RPS6KA2: variants seen among roughly 807,000 people sequenced by gnomAD.
RPS6KA2 encodes ribosomal protein S6 kinase alpha-2.
In RPS6KA2, 42 loss-of-function variants were observed where a neutral mutation model predicts 91.8. The observed-to-expected ratio is 0.46, with a 90% CI of 0.36 to 0.59. The LOEUF (loss-of-function observed/expected upper bound fraction) is 0.59, where lower values mean the gene tolerates loss of function less well. Among genes scored for constraint, RPS6KA2 ranks in the 20% least tolerant of loss-of-function variants. The pLI is 0.00. For missense variants in RPS6KA2, 798 were observed against 978.5 expected (o/e 0.82, Z 2.46); for synonymous variants, 414 against 393.6 (o/e 1.05, Z -0.61).
chr6:166,465,936 G>T (rs1031218534), intron 11 of RPS6KA2, among the ~76,000 whole-genome samples: 2 of 152,178 alleles, frequency 1.3e-5, no homozygotes, highest in African/African-American at 4.8e-5. Flanking sequence ...TGCCACTCAC[G>T]GGCTGTGTGG....
At chr6:166,728,895 C>T (rs536736374) in intron 2 of RPS6KA2, among the ~76,000 whole-genome samples, 1 of 152,198 alleles carries the variant, frequency 6.6e-6, no homozygotes, top group Admixed American at 6.5e-5. Flanking sequence ...TGGCATTTCT[C>T]AACCTGTGAG....
chr6:166,847,625 T>A (rs1181854534), intron 2 of RPS6KA2, among the ~76,000 whole-genome samples: 8 of 152,186 alleles, frequency 5.3e-5, no homozygotes, highest in Non-Finnish European at 8.8e-5. Flanking sequence ...AGCCAACTGA[T>A]CTTCAACAAA....
chr6:166,467,447 CAG>C (rs1562514436), intron 11 of RPS6KA2, among the ~76,000 whole-genome samples: 3 of 152,140 alleles, frequency 2.0e-5, no homozygotes. Flanking sequence ...GATATGAAAA[CAG>C]AGCAAGGCCG....
At chr6:166,530,539 T>C (rs1336512192) in intron 3 of RPS6KA2, among the ~76,000 whole-genome samples, 2 of 152,234 alleles carry the variant, frequency 1.3e-5, no homozygotes, top group East Asian at 1.9e-4. Flanking sequence ...AATAAGCTGC[T>C]GTCAGTTCAT....
At chr6:166,474,315 G>A (rs559582675) in intron 10 of RPS6KA2, among the ~76,000 whole-genome samples, 7 of 152,308 alleles carry the variant, frequency 4.6e-5, no homozygotes, top group African/African-American at 9.6e-5. Context: ...CAAGAGCAAC[G>A]GAAAACCTCT....
Position 166,549,798 on chromosome 6 carries a change from C to T in RPS6KA2, c.100-11014G>A, listed in dbSNP as rs79200204. ...ACTCATATACACACACACGAGTACACGTAAAACTGGTAAAATACGAATAAG... is the reference window on the plus strand; with the variant it reads ...ACTCATATACACACACACGAGTACATGTAAAACTGGTAAAATACGAATAAG... On this transcript the variant is annotated intron_variant, in intron 1 of 20. Coordinates refer to ENST00000265678, the MANE Select transcript of RPS6KA2 (RefSeq NM_021135.6). 3.4e-4 allele frequency among the ~76,000 whole-genome samples: 52 copies of T among 152,250 alleles called. 1 individual carries two copies. In the East Asian group the frequency reaches 8.9e-3, roughly 26 times the overall value.
At chr6:166,506,280 C>T (rs1367113524) in intron 5 of RPS6KA2, among the ~76,000 whole-genome samples, 1 of 152,212 alleles carries the variant, frequency 6.6e-6, no homozygotes, top group Non-Finnish European at 1.5e-5. Context: ...AATGAAGGCC[C>T]TCGGGGGAGG....
intron 2 of RPS6KA2, among the ~76,000 whole-genome samples, chr6:166,839,688 GA>G (rs1343096547): frequency 1.9e-5 from 2 of 104,236 alleles, no homozygotes; most frequent in Admixed American, 8.9e-5. Flanking sequence ...AGCAGGAGAG[GA>G]GAGGGGAGGA....
intron 2 of RPS6KA2, among the ~76,000 whole-genome samples, chr6:166,661,390 G>A (rs937481706): frequency 4.6e-5 from 7 of 152,094 alleles, no homozygotes; most frequent in African/African-American, 9.7e-5. Context: ...ATGAGCCACC[G>A]CTGTATGGCC....
intron 5 of RPS6KA2, among the ~76,000 whole-genome samples, chr6:166,507,079 C>T (rs2235269): frequency 0.21 from 32,097 of 151,846 alleles, 3,437 homozygotes; most frequent in South Asian, 0.29. Context: ...ACAAAGGTGG[C>T]GTGCGAAGAC....
rs1026696390 is a variant in RPS6KA2, at chr6:166,606,554, C to A, written c.99+20367G>T. On this transcript the variant is annotated intron_variant, in intron 1 of 20. Coordinates refer to ENST00000265678, the MANE Select transcript of RPS6KA2 (RefSeq NM_021135.6). ...CAATACCATCAAGAAAATGAAAATA[C>A]AACCCACTACGGGGAAAAGTATTTG... Among the ~76,000 whole-genome samples, 4 of 152,176 alleles carry A rather than the reference C, an allele frequency of 2.6e-5. No individual in the cohort carries two copies. In the South Asian group the frequency reaches 8.3e-4, roughly 32 times the overall value.
chr6:166,843,641 G>A (rs958257701), intron 2 of RPS6KA2, among the ~76,000 whole-genome samples: 2 of 152,188 alleles, frequency 1.3e-5, no homozygotes, highest in African/African-American at 4.8e-5. Context: ...CAGTAGCTCT[G>A]CTGGGTGGCT....
At chr6:166,848,782 G>C (rs1780666120) in intron 2 of RPS6KA2, among the ~76,000 whole-genome samples, 1 of 152,042 alleles carries the variant, frequency 6.6e-6, no homozygotes, top group African/African-American at 2.4e-5. Context: ...AAGGATGAAA[G>C]GCTACACACT....
At chr6:166,471,285 T>A (rs1470509582) in intron 10 of RPS6KA2, among the ~76,000 whole-genome samples, 1 of 152,202 alleles carries the variant, frequency 6.6e-6, no homozygotes, top group Non-Finnish European at 1.5e-5. Context: ...TCACAGCAGA[T>A]GGTGCCATCG....
At chr6:166,776,650 G>A (rs1012310150) in intron 2 of RPS6KA2, among the ~76,000 whole-genome samples, 3 of 152,318 alleles carry the variant, frequency 2.0e-5, no homozygotes, top group African/African-American at 7.2e-5. Context: ...GGTATAGACA[G>A]AACCGCACAG....
rs907659006 is a variant in RPS6KA2, at chr6:166,855,450, GGAA to G, written c.123+2747_123+2749del. ...AAGAGGAAGAAGAGGAAGAAGAAGAGGAAGAAGAAGAGGAAGAGGAAGAGGAAG... is the reference window on the plus strand; with the variant it reads ...AAGAGGAAGAAGAGGAAGAAGAAGAGGAAGAAGAGGAAGAGGAAGAGGAAG... On this transcript the variant is annotated intron_variant, in intron 2 of 21. Transcript: ENST00000503859. 7.5e-4 allele frequency among the ~76,000 whole-genome samples: 45 copies of G among 60,390 alleles called. 1 individual carries two copies. The East Asian group carries it at 0.019, about 26-fold the overall frequency. The allele number at this position is 60,390 out of a possible 152,430, so 39.6% of individuals were successfully genotyped here. A position where few individuals can be genotyped will look rare whatever the true frequency, so the allele number is the denominator to read the frequency against.
At chr6:166,478,119 G>A (rs992892286) in intron 10 of RPS6KA2, among the ~76,000 whole-genome samples, 48 of 152,216 alleles carry the variant, frequency 3.2e-4, no homozygotes, top group Non-Finnish European at 6.6e-4. Flanking sequence ...GGCCCCACAG[G>A]TGGTGACTGC....
intron 10 of RPS6KA2, among the ~76,000 whole-genome samples, chr6:166,473,944 T>C (rs922412896): frequency 2.0e-4 from 30 of 151,100 alleles, no homozygotes; most frequent in African/African-American, 7.4e-4. Flanking sequence ...TTAAAGGTTT[T>C]TTTTTTTTTT....
At chr6:166,761,092 C>T (rs990997606) in intron 2 of RPS6KA2, among the ~76,000 whole-genome samples, 4 of 152,214 alleles carry the variant, frequency 2.6e-5, no homozygotes, top group African/African-American at 9.7e-5. Flanking sequence ...GAGACCGAGT[C>T]TTGCTCTGTT....
Sources: gnomAD v4.1 joint callset for allele counts (sites outside exome capture counted in the v4.1 genomes callset) on GRCh38, gnomAD v4.1.1 for gene constraint, MANE v1.5 for transcripts, NCBI Gene and HGNC (gene_info 2026-07-23, HGNC 2026-07-21) for gene names.